TOX: variants seen among roughly 807,000 people sequenced by gnomAD.
TOX encodes the protein thymocyte selection-associated high mobility group box protein TOX.
TOX carries 11 observed loss-of-function variants against 53.7 expected under a neutral mutation model. That is an observed-to-expected ratio of 0.20 (90% CI 0.13 to 0.34). The LOEUF (loss-of-function observed/expected upper bound fraction) is 0.34. TOX is among the 10% of genes least tolerant of loss of function. The pLI, the probability that TOX is intolerant of heterozygous loss-of-function variation, is 1.00. For synonymous variants in TOX, 225 were observed against 245.3 expected (o/e 0.92, Z 0.77); for missense variants, 570 against 664.6 (o/e 0.86, Z 1.56).
At chr8:59,085,951 TTTTTTC>T in intron 1 of TOX, among the ~76,000 whole-genome samples, 1 of 151,384 alleles carries the variant, frequency 6.6e-6, no homozygotes, top group South Asian at 2.1e-4. Flanking sequence ...ATAGAGTACT[TTTTTTC>T]TTTTTCTTTT....
chr8:59,089,270 T>G (rs189130633), intron 1 of TOX, among the ~76,000 whole-genome samples: 2 of 152,336 alleles, frequency 1.3e-5, no homozygotes, highest in Admixed American at 1.3e-4. Context: ...CAGCACATAG[T>G]GTGGGAAATC....
chr8:58,924,780 T>C (rs1812126673), intron 3 of TOX, among the ~76,000 whole-genome samples: 1 of 152,252 alleles, frequency 6.6e-6, no homozygotes, highest in East Asian at 1.9e-4. Flanking sequence ...TCTCAACATT[T>C]TGATAGATTG....
intron 1 of TOX, among the ~76,000 whole-genome samples, chr8:59,061,106 G>T (rs111619648): frequency 2.6e-5 from 4 of 152,060 alleles, no homozygotes; most frequent in Non-Finnish European, 5.9e-5. Flanking sequence ...GAGATTGTAC[G>T]GTAAAAATGA....
intron 7 of TOX, among the ~76,000 whole-genome samples, chr8:58,812,524 T>C (rs992763182): frequency 6.6e-5 from 10 of 152,204 alleles, no homozygotes; most frequent in African/African-American, 2.2e-4. Flanking sequence ...CCTCTTCTCA[T>C]CCTTCAGGTC....
At chr8:59,106,912 A>G (rs989556485) in intron 1 of TOX, among the ~76,000 whole-genome samples, 1 of 152,152 alleles carries the variant, frequency 6.6e-6, no homozygotes, top group African/African-American at 2.4e-5. Context: ...AAGATTTTGT[A>G]TGGCAAGCTA....
At chr8:58,832,584 T>G (rs1279200358) in intron 5 of TOX, among the ~76,000 whole-genome samples, 1 of 152,168 alleles carries the variant, frequency 6.6e-6, no homozygotes, top group Non-Finnish European at 1.5e-5. Flanking sequence ...TTTGATTCTG[T>G]GGGCTCAGAG....
intron 2 of TOX, among the ~76,000 whole-genome samples, chr8:58,941,670 T>C (rs560093376): frequency 6.6e-6 from 1 of 152,330 alleles, no homozygotes; most frequent in East Asian, 1.9e-4. Context: ...ACTGAAATTA[T>C]ATGAACATAG....
At chr8:58,809,274 G>A (rs1810039433) in intron 7 of TOX, among the ~76,000 whole-genome samples, 1 of 152,134 alleles carries the variant, frequency 6.6e-6, no homozygotes, top group Admixed American at 6.5e-5. Context: ...CTATTTACTT[G>A]GAGAAAGCTT....
At chr8:58,920,721 TA>T (rs5891703) in intron 3 of TOX, among the ~76,000 whole-genome samples, 3,229 of 81,056 alleles carry the variant, frequency 0.04, 50 homozygotes, top group Middle Eastern at 0.1. Context: ...AAAAAAACAT[TA>T]AAAAAAAAAA....
At chr8:59,043,829 C>T (rs1054391834) in intron 1 of TOX, among the ~76,000 whole-genome samples, 6 of 152,188 alleles carry the variant, frequency 3.9e-5, no homozygotes, top group Admixed American at 2.6e-4. Context: ...TTTGATCAAA[C>T]ATGTGGAACT....
intron 1 of TOX, among the ~76,000 whole-genome samples, chr8:59,022,410 A>G (rs570606537): frequency 4.6e-4 from 70 of 152,260 alleles, no homozygotes; most frequent in African/African-American, 1.6e-3. Context: ...ACAACTCTAT[A>G]ACACCGGCTT....
chr8:58,971,395 G>A (rs1202568840), intron 1 of TOX, among the ~76,000 whole-genome samples: 1 of 152,242 alleles, frequency 6.6e-6, no homozygotes. Flanking sequence ...CCAGAGAAGA[G>A]TCTGGGTTCT....
At chr8:58,973,191 A>G (rs916331918) in intron 1 of TOX, among the ~76,000 whole-genome samples, 1 of 152,218 alleles carries the variant, frequency 6.6e-6, no homozygotes, top group African/African-American at 2.4e-5. Context: ...GCAGGCAACA[A>G]AGCTCTTTAG....
chr8:58,987,257 G>T (rs1442410179), intron 1 of TOX, among the ~76,000 whole-genome samples: 2 of 152,198 alleles, frequency 1.3e-5, no homozygotes, highest in Admixed American at 6.5e-5. Context: ...CAGGGACATG[G>T]AGTAACAGAA....
chr8:58,845,666 T>C (rs1238203040), intron 4 of TOX, among the ~76,000 whole-genome samples: 1 of 152,138 alleles, frequency 6.6e-6, no homozygotes, highest in Non-Finnish European at 1.5e-5. Context: ...ATCAGTGTCA[T>C]AGTTTGTAAA....
At chr8:59,044,655 C>A (rs978945648) in intron 1 of TOX, among the ~76,000 whole-genome samples, 26 of 152,122 alleles carry the variant, frequency 1.7e-4, no homozygotes, top group African/African-American at 5.8e-4. Flanking sequence ...ATCTAAATCT[C>A]TTTTTTTATT....
chr8:59,051,650 C>A (rs1803790815), intron 1 of TOX, among the ~76,000 whole-genome samples: 1 of 151,988 alleles, frequency 6.6e-6, no homozygotes, highest in Non-Finnish European at 1.5e-5. Context: ...TAAGTCTTAG[C>A]AAACAAATAA....
chr8:58,893,966 T>C (rs749456145), intron 3 of TOX, among the ~76,000 whole-genome samples: 1 of 152,198 alleles, frequency 6.6e-6, no homozygotes, highest in Non-Finnish European at 1.5e-5. Flanking sequence ...AGATGTATTA[T>C]TGTTAGGTAA....
chr8:58,979,754 G>T (rs1451554790), intron 1 of TOX, among the ~76,000 whole-genome samples: 1 of 152,150 alleles, frequency 6.6e-6, no homozygotes, highest in Non-Finnish European at 1.5e-5. Context: ...AGCAGCTTTG[G>T]AGCCAGTGTG....
Sources: allele counts gnomAD v4.1 joint callset (sites outside exome capture counted in the v4.1 genomes callset), GRCh38; gene constraint gnomAD v4.1.1; transcripts MANE v1.5; gene names NCBI Gene and HGNC (gene_info 2026-07-23, HGNC 2026-07-21).